The following PPP1R21 variants were observed in gnomAD, a reference collection of about 807,000 sequenced individuals.
PPP1R21 encodes protein phosphatase 1 regulatory subunit 21.
In PPP1R21, 85 loss-of-function variants were observed where a neutral mutation model predicts 112.8. The observed-to-expected ratio is 0.75, with a 90% CI of 0.63 to 0.90. PPP1R21 has a LOEUF of 0.90. Ranked by LOEUF, PPP1R21 falls within the 40% of genes least tolerant of loss-of-function variation. The probability of loss-of-function intolerance (pLI) is 0.00; values close to 1 mark genes in which losing one functional copy is unlikely to be tolerated. For synonymous variants in PPP1R21, 381 were observed against 322.3 expected (o/e 1.18, Z -1.95); for missense variants, 1,199 against 901.5 (o/e 1.33, Z -4.23).
chr2:48,480,819 A>G (rs1668978968), intron 13 of PPP1R21, among the ~76,000 whole-genome samples: 1 of 152,142 alleles, frequency 6.6e-6, no homozygotes, highest in Admixed American at 6.5e-5. Context: ...CACAGAGAAT[A>G]ATTTTTAAAA....
chr2:48,493,101 G>A (rs934753936), intron 15 of PPP1R21, among the ~76,000 whole-genome samples: 1 of 150,002 alleles, frequency 6.7e-6, no homozygotes, highest in African/African-American at 2.5e-5. Context: ...CGCCTCCCGG[G>A]TTCACACCAT....
chr2:48,457,106 A>C lies in PPP1R21; in HGVS notation c.274-1020A>C, dbSNP rs1667762942. ...TCTGAAAGACCCTTGGGGAGAGAAT[A>C]GTCATCTGAACTTCAAACATGTTCT... On this transcript the variant is annotated intron_variant, in intron 3 of 21. Coordinates refer to ENST00000294952, the MANE Select transcript of PPP1R21 (RefSeq NM_001135629.3). 2.6e-5 allele frequency among the ~76,000 whole-genome samples: 4 copies of C among 152,114 alleles called. No individual in the cohort carries two copies. In the South Asian group the frequency reaches 8.3e-4, roughly 32 times the overall value.
At chr2:48,469,261 TTGTGTGTG>T (rs745866100) in intron 9 of PPP1R21, among the ~76,000 whole-genome samples, 11 of 46,238 alleles carry the variant, frequency 2.4e-4, no homozygotes, top group Admixed American at 5.3e-4. Context: ...TATATTTGAA[TTGTGTGTG>T]TGTGTGTGTG....
At chr2:48,472,588 T>TGG (rs1198833972) in intron 11 of PPP1R21, among the ~76,000 whole-genome samples, 1 of 150,966 alleles carries the variant, frequency 6.6e-6, no homozygotes, top group Non-Finnish European at 1.5e-5. Context: ...GTCACATCAC[T>TGG]GCACTCCAGC....
rs1558460671 is a variant in PPP1R21 at position 48,471,123 on chromosome 2, C to T, written c.934C>T (p.Arg312Cys). The T allele has an allele frequency of 5.0e-6, 8 of 1,612,662 alleles. No homozygotes were observed. The highest frequency in any genetic ancestry group is 6.8e-6 in the Non-Finnish European group (8 of 1,178,860). The change falls in exon 10 of 22, where the codon CGC becomes TGC. Residue 312 changes from arginine (R) to cysteine (C), a missense_variant. Coordinates refer to ENST00000294952, the MANE Select transcript of PPP1R21 (RefSeq NM_001135629.3). ...QYLHENASYV[R>C]PLEEGMLHLF... ...CCTTCATGAAAATGCGTCCTATGTCCGCCCTCTTGAGGAAGGAATGCTTCA... is the reference window on the plus strand; with the variant it reads ...CCTTCATGAAAATGCGTCCTATGTCTGCCCTCTTGAGGAAGGAATGCTTCA...
chr2:48,514,300 A>T (rs1670773617), intron 21 of PPP1R21, among the ~76,000 whole-genome samples: 1 of 151,822 alleles, frequency 6.6e-6, no homozygotes, highest in Non-Finnish European at 1.5e-5. Flanking sequence ...GTTAGCTGGG[A>T]TGGTCTCGAT....
intron 19 of PPP1R21, among the ~76,000 whole-genome samples, chr2:48,508,947 T>TC (rs1670509875): frequency 6.6e-6 from 1 of 152,156 alleles, no homozygotes; most frequent in African/African-American, 2.4e-5. Context: ...AGTGGTGACC[T>TC]CCCCCCTCCC....
intron 17 of PPP1R21, among the ~76,000 whole-genome samples, chr2:48,504,271 A>G (rs1000123926): frequency 2.0e-5 from 3 of 152,232 alleles, no homozygotes; most frequent in African/African-American, 4.8e-5. Flanking sequence ...TGGGCATAAC[A>G]TTCATTAGTA....
chr2:48,481,170 G>A (rs1029032420), intron 13 of PPP1R21, among the ~76,000 whole-genome samples: 2 of 152,136 alleles, frequency 1.3e-5, no homozygotes, highest in African/African-American at 2.4e-5. Context: ...TGTATTTTTA[G>A]TAGAGATGGG....
chr2:48,486,914 G>A (rs1234706193), intron 14 of PPP1R21, among the ~76,000 whole-genome samples, 156 bp downstream of exon 14: 1 of 152,158 alleles, frequency 6.6e-6, no homozygotes, highest in Non-Finnish European at 1.5e-5. Context: ...TACCCAGTAT[G>A]TACTCTGACT....
chr2:48,480,306 C>G (rs899580806), intron 13 of PPP1R21, among the ~76,000 whole-genome samples: 1 of 152,192 alleles, frequency 6.6e-6, no homozygotes, highest in Non-Finnish European at 1.5e-5. Context: ...TTGTACAAAA[C>G]CAGACATGCT....
Position 48,515,089 on chromosome 2 carries a change from A to G in PPP1R21, c.*345A>G, listed in dbSNP as rs1670813974. On this transcript the variant is annotated 3_prime_UTR_variant, in exon 22 of 22. Transcript: ENST00000294952. ...ATACTTTCAAACTCAATTATATGGT[A>G]ATCGATTTGGTATCTATGGAATAGA... 4.2e-6 allele frequency: 1 copy of G among 239,106 alleles called. No homozygotes were observed. Among genetic ancestry groups the G allele is most frequent in the South Asian group, 1.2e-4 (1 of 8,236 alleles). 14.8% of individuals were successfully genotyped at this position (239,106 alleles called of 1,614,324 possible).
At chr2:48,460,775 A>G (rs1446297865) in intron 6 of PPP1R21, among the ~76,000 whole-genome samples, 1 of 152,214 alleles carries the variant, frequency 6.6e-6, no homozygotes, top group African/African-American at 2.4e-5. Flanking sequence ...AAAAAAGTCT[A>G]TAGTGATACT....
In PPP1R21 at chr2:48,494,636, G is replaced by A. The variant is rs1251019629; in HGVS notation, c.1600-1043G>A. On this transcript the variant is annotated intron_variant, in intron 15 of 21. Coordinates refer to ENST00000294952, the MANE Select transcript of PPP1R21 (RefSeq NM_001135629.3). ...TCACCATGTTGGTCAGGCTGGTCTC[G>A]AACTCCTGACCTTAGGAAGTCCACC... Among the ~76,000 whole-genome samples the A allele has an allele frequency of 6.6e-5, 10 of 151,906 alleles. No individual in the cohort carries two copies. The East Asian group carries it at 1.4e-3, about 21-fold the overall frequency.
intron 21 of PPP1R21, among the ~76,000 whole-genome samples, chr2:48,513,140 G>C (rs1372717488): frequency 6.6e-6 from 1 of 152,104 alleles, no homozygotes; most frequent in Non-Finnish European, 1.5e-5. Context: ...GTACAGCAAA[G>C]CTCATTGTCC....
chr2:48,469,293 GTGTA>G (rs145882371), intron 9 of PPP1R21, among the ~76,000 whole-genome samples: 14,316 of 33,792 alleles, frequency 0.42, 2,845 homozygotes, highest in Middle Eastern at 0.61. Flanking sequence ...GTGTGTGTGT[GTGTA>G]TGTATATATA....
At chr2:48,461,573 T>C (rs1667981823) in intron 7 of PPP1R21, among the ~76,000 whole-genome samples, 1 of 152,146 alleles carries the variant, frequency 6.6e-6, no homozygotes, top group African/African-American at 2.4e-5. Flanking sequence ...AAATGAGGCT[T>C]GGTGGTGGGA....
Position 48,471,437 on chromosome 2 carries a change from A to G in PPP1R21, c.1088+70A>G, listed in dbSNP as rs545513836. On this transcript the variant is annotated intron_variant, in intron 11 of 21. Transcript: ENST00000294952. ...AACCTGATCTGGCTGGCGTTAATAAAATATTAACATGTGCCTCTTGTGATC... is the reference window on the plus strand; with the variant it reads ...AACCTGATCTGGCTGGCGTTAATAAGATATTAACATGTGCCTCTTGTGATC... 12 of 1,396,270 alleles carry G rather than the reference A, an allele frequency of 8.6e-6. No individual in the cohort carries two copies. The South Asian group carries it at 1.8e-4, about 21-fold the overall frequency. 86.5% of individuals were successfully genotyped at this position (1,396,270 alleles called of 1,614,324 possible).
intron 17 of PPP1R21, among the ~76,000 whole-genome samples, chr2:48,503,542 T>C (rs1416069910): frequency 6.6e-6 from 1 of 152,242 alleles, no homozygotes; most frequent in Non-Finnish European, 1.5e-5. Flanking sequence ...AAGGCATGAA[T>C]ATTTTCAAAT....
Sources: gnomAD v4.1 joint callset for allele counts (sites outside exome capture counted in the v4.1 genomes callset) on GRCh38, gnomAD v4.1.1 for gene constraint, MANE v1.5 for transcripts, NCBI Gene and HGNC (gene_info 2026-07-23, HGNC 2026-07-21) for gene names.